Variants in PCBD2 observed in about 807,000 individuals in gnomAD.
The protein encoded by PCBD2 is pterin-4 alpha-carbinolamine dehydratase 2.
Under a neutral mutation model 16.4 loss-of-function variants are expected in PCBD2, and 12 were observed. The observed-to-expected ratio is 0.73, with a 90% CI of 0.47 to 1.19. The LOEUF (loss-of-function observed/expected upper bound fraction) is 1.19. PCBD2 is among the 50% of genes most tolerant of loss of function. PCBD2 has a pLI of 0.00. For missense variants in PCBD2, 138 were observed against 156.8 expected (o/e 0.88, Z 0.64); for synonymous variants, 58 against 61.8 (o/e 0.94, Z 0.29).
At chr5:134,938,667 A>C (rs1751189592) in intron 2 of PCBD2, among the ~76,000 whole-genome samples, 1 of 152,198 alleles carries the variant, frequency 6.6e-6, no homozygotes, top group South Asian at 2.1e-4. Flanking sequence ...TAGAGTTAGG[A>C]GGCTGTGAAG....
chr5:134,951,616 C>G (rs1442132527), intron 2 of PCBD2, among the ~76,000 whole-genome samples: 1 of 152,186 alleles, frequency 6.6e-6, no homozygotes, highest in African/African-American at 2.4e-5. Context: ...CTTATATTCA[C>G]CAGCAGCATG....
chr5:134,910,105 G>T (rs1436931341), intron 1 of PCBD2, among the ~76,000 whole-genome samples: 1 of 152,134 alleles, frequency 6.6e-6, no homozygotes, highest in Non-Finnish European at 1.5e-5. Context: ...AAGCTGAATT[G>T]TGAAGTTTGA....
chr5:134,923,562 C>T (rs1750934429), intron 2 of PCBD2: 1 of 323,154 alleles, frequency 3.1e-6, no homozygotes, highest in Non-Finnish European at 5.6e-6. Flanking sequence ...TCCTCAGATT[C>T]ATTGGACCAG....
chr5:134,945,917 T>A (rs1053004248), intron 2 of PCBD2, among the ~76,000 whole-genome samples: 2 of 152,118 alleles, frequency 1.3e-5, no homozygotes, highest in African/African-American at 4.8e-5. Flanking sequence ...GAATGAGACA[T>A]AGCTAGGATT....
chr5:134,915,873 C>G (rs1750826301), intron 2 of PCBD2, among the ~76,000 whole-genome samples: 1 of 152,150 alleles, frequency 6.6e-6, no homozygotes, highest in Non-Finnish European at 1.5e-5. Context: ...GCTCCATATA[C>G]TCATAGCAAT....
At chr5:134,940,229 A>C (rs1464348543) in intron 2 of PCBD2, among the ~76,000 whole-genome samples, 2 of 152,192 alleles carry the variant, frequency 1.3e-5, no homozygotes, top group Non-Finnish European at 2.9e-5. Context: ...TTTTGTAAAT[A>C]AAATGAAATC....
intron 2 of PCBD2, among the ~76,000 whole-genome samples, chr5:134,938,398 GA>G (rs1215225143): frequency 6.6e-6 from 1 of 152,178 alleles, no homozygotes; most frequent in African/African-American, 2.4e-5. Context: ...TTCTCTGAAT[GA>G]CCATTTTTTG....
chr5:134,941,965 CAA>C (rs758717376), intron 2 of PCBD2, among the ~76,000 whole-genome samples: 6 of 134,436 alleles, frequency 4.5e-5, no homozygotes, highest in Non-Finnish European at 4.9e-5. Flanking sequence ...AAAAAAGTAC[CAA>C]AAAAAAAAAA....
chr5:134,941,601 G>C (rs1297944326), intron 2 of PCBD2, among the ~76,000 whole-genome samples: 1 of 152,082 alleles, frequency 6.6e-6, no homozygotes, highest in Non-Finnish European at 1.5e-5. Flanking sequence ...ACAGTTACTC[G>C]CTGTATGTGA....
chr5:134,960,585 G>A lies in PCBD2; in HGVS notation c.298-1G>A. The A allele has an allele frequency of 6.3e-7, 1 of 1,594,076 alleles. No individual in the cohort carries two copies. Among genetic ancestry groups the A allele is most frequent in the Non-Finnish European group, 8.6e-7 (1 of 1,169,112 alleles). Reference sequence around the variant, plus strand: ...TTAAAAACTGCTTTTCTTTTTCTTAGGTCCAGATAACTCTCACCTCACATG... The same window carrying A: ...TTAAAAACTGCTTTTCTTTTTCTTAAGTCCAGATAACTCTCACCTCACATG... On this transcript the variant is annotated splice_acceptor_variant, in intron 3 of 3. Coordinates refer to ENST00000254908, the MANE Select transcript of PCBD2 (RefSeq NM_032151.5). LOFTEE classifies it high-confidence loss of function.
chr5:134,926,104 T>A (rs1750991469), intron 2 of PCBD2: 2 of 337,734 alleles, frequency 5.9e-6, no homozygotes, highest in Non-Finnish European at 1.1e-5. Context: ...GAGTAGGTAT[T>A]TGAAGAATTG....
intron 2 of PCBD2, among the ~76,000 whole-genome samples, chr5:134,943,912 T>TATC (rs1276359863): frequency 1.3e-5 from 2 of 152,206 alleles, no homozygotes; most frequent in Non-Finnish European, 1.5e-5. Flanking sequence ...TAACAAAGTG[T>TATC]ATCAGACCAT....
At chr5:134,944,309 C>G (rs1364870041) in intron 2 of PCBD2, among the ~76,000 whole-genome samples, 2 of 152,144 alleles carry the variant, frequency 1.3e-5, no homozygotes, top group Admixed American at 6.5e-5. Flanking sequence ...CAGTTGTACA[C>G]CAGAAATGAA....
chr5:134,953,330 T>C (rs1327422786), intron 2 of PCBD2, among the ~76,000 whole-genome samples: 1 of 149,808 alleles, frequency 6.7e-6, no homozygotes, highest in African/African-American at 2.4e-5. Flanking sequence ...CTATTATAAC[T>C]ATATATAGGT....
At chr5:134,955,208 T>A (rs574687890) in intron 2 of PCBD2, among the ~76,000 whole-genome samples, 259 of 152,066 alleles carry the variant, frequency 1.7e-3, no homozygotes, top group African/African-American at 4.7e-3. Flanking sequence ...ATTTTTTTTT[T>A]AAATTTTTAT....
At chr5:134,956,166 C>T (rs1751413052) in intron 2 of PCBD2, among the ~76,000 whole-genome samples, 1 of 152,104 alleles carries the variant, frequency 6.6e-6, no homozygotes, top group Non-Finnish European at 1.5e-5. Flanking sequence ...AGAATAAATC[C>T]TGTGTAAATG....
chr5:134,927,222 G>C (rs1751018943), intron 2 of PCBD2: 1 of 398,446 alleles, frequency 2.5e-6, no homozygotes, highest in Admixed American at 4.4e-5. Context: ...GATGGAGCTT[G>C]TTATAATTAT....
chr5:134,909,560 A>G lies in PCBD2; in HGVS notation c.85-775A>G, dbSNP rs147009621. Among the ~76,000 whole-genome samples the G allele has an allele frequency of 1.9e-3, 286 of 152,306 alleles. 1 individual carries two copies. The highest frequency in any genetic ancestry group is 6.8e-4 in the Non-Finnish European group (46 of 68,028). Reference sequence around the variant, plus strand: ...CTCTGGCCCCCTTACTGCTGCCTCAAACGTCACAGTTCAGCTTCTCTGGCT... The same window carrying G: ...CTCTGGCCCCCTTACTGCTGCCTCAGACGTCACAGTTCAGCTTCTCTGGCT... On this transcript the variant is annotated intron_variant, in intron 1 of 3. Coordinates refer to ENST00000254908, the MANE Select transcript of PCBD2 (RefSeq NM_032151.5).
At chr5:134,952,375 T>C (rs543761667) in intron 2 of PCBD2, among the ~76,000 whole-genome samples, 1 of 152,344 alleles carries the variant, frequency 6.6e-6, no homozygotes, top group South Asian at 2.1e-4. Flanking sequence ...TGGACTAATA[T>C]ATGTTTAATT....
Sources: gnomAD v4.1 joint callset for allele counts (sites outside exome capture counted in the v4.1 genomes callset) on GRCh38, gnomAD v4.1.1 for gene constraint, MANE v1.5 for transcripts, NCBI Gene and HGNC (gene_info 2026-07-23, HGNC 2026-07-21) for gene names.